THSD7B: variants seen among roughly 807,000 people sequenced by gnomAD.
THSD7B encodes thrombospondin type 1 domain containing 7B, also known as thrombospondin type-1 domain-containing protein 7B.
In THSD7B, 138 loss-of-function variants were observed where a neutral mutation model predicts 213.6. That is an observed-to-expected ratio of 0.65 (90% CI 0.56 to 0.74). The LOEUF (loss-of-function observed/expected upper bound fraction) is 0.74. Ranked by LOEUF, THSD7B falls within the 30% of genes least tolerant of loss-of-function variation. The pLI is 0.00. For synonymous variants in THSD7B, 742 were observed against 687.0 expected (o/e 1.08, Z -1.25); for missense variants, 1,931 against 1,991.5 (o/e 0.97, Z 0.58).
At chr2:137,232,580 A>G (rs181360032) in intron 8 of THSD7B, among the ~76,000 whole-genome samples, 1 of 152,288 alleles carries the variant, frequency 6.6e-6, no homozygotes, top group East Asian at 1.9e-4. Flanking sequence ...GCATAGAAAT[A>G]TTTTTTGAAA....
At chr2:137,163,984 C>T (rs1680069246) in intron 6 of THSD7B, among the ~76,000 whole-genome samples, 1 of 152,168 alleles carries the variant, frequency 6.6e-6, no homozygotes, top group African/African-American at 2.4e-5. Context: ...GATCAAAGTA[C>T]AAGCTCAGTT....
intron 1 of THSD7B, among the ~76,000 whole-genome samples, chr2:136,857,907 G>C (rs1260965602): frequency 1.3e-5 from 2 of 152,162 alleles, no homozygotes; most frequent in East Asian, 3.8e-4. Flanking sequence ...TGCTGTTCTA[G>C]CATCTGTAGA....
At chr2:137,124,717 C>A (rs1251231656) in intron 5 of THSD7B, among the ~76,000 whole-genome samples, 1 of 152,004 alleles carries the variant, frequency 6.6e-6, no homozygotes, top group Non-Finnish European at 1.5e-5. Flanking sequence ...TTCTTTTTTA[C>A]CTTTTTATTT....
At chr2:136,864,646 A>G (rs1014616742) in intron 1 of THSD7B, among the ~76,000 whole-genome samples, 10 of 151,716 alleles carry the variant, frequency 6.6e-5, no homozygotes, top group Non-Finnish European at 8.8e-5. Context: ...TCCACCTCCC[A>G]GGTTCACATC....
At chr2:137,278,305 C>T (rs991182208) in intron 12 of THSD7B, among the ~76,000 whole-genome samples, 1 of 152,054 alleles carries the variant, frequency 6.6e-6, no homozygotes, top group Non-Finnish European at 1.5e-5. Context: ...AGAGTAAACA[C>T]CATGATCTCT....
intron 17 of THSD7B, among the ~76,000 whole-genome samples, chr2:137,609,922 A>G (rs1179604689): frequency 6.6e-6 from 1 of 152,126 alleles, no homozygotes; most frequent in Non-Finnish European, 1.5e-5. Flanking sequence ...ATGGAGCTGA[A>G]AGGATTTGCT....
intron 10 of THSD7B, among the ~76,000 whole-genome samples, chr2:137,254,910 G>A (rs1392239183): frequency 2.6e-5 from 4 of 152,018 alleles, no homozygotes; most frequent in East Asian, 1.9e-4. Context: ...TGTGTATGTC[G>A]AGACAGAGAA....
At chr2:137,410,027 G>A (rs1558787855) in intron 13 of THSD7B, among the ~76,000 whole-genome samples, 1 of 152,094 alleles carries the variant, frequency 6.6e-6, no homozygotes, top group East Asian at 1.9e-4. Flanking sequence ...AAGACTGAGA[G>A]ATTCAACAAT....
intron 14 of THSD7B, among the ~76,000 whole-genome samples, chr2:137,428,396 C>A (rs1687105165): frequency 6.6e-6 from 1 of 152,110 alleles, no homozygotes; most frequent in South Asian, 2.1e-4. Context: ...ATCAGTTTCT[C>A]ACAAAGATAA....
intron 26 of THSD7B, 61 bp downstream of exon 26, chr2:137,663,636 A>G: frequency 1.4e-6 from 2 of 1,396,612 alleles, no homozygotes; most frequent in Non-Finnish European, 1.9e-6. Flanking sequence ...TATTTTGACC[A>G]CTTCTCATGA....
intron 4 of THSD7B, among the ~76,000 whole-genome samples, chr2:137,095,673 G>A (rs1173826629): frequency 3.9e-5 from 6 of 152,188 alleles, no homozygotes; most frequent in Admixed American, 3.9e-4. Context: ...TTCGAGAAAG[G>A]ATTTAACATA....
chr2:137,539,688 G>A (rs1384075862), intron 15 of THSD7B, among the ~76,000 whole-genome samples: 1 of 151,612 alleles, frequency 6.6e-6, no homozygotes, highest in African/African-American at 2.4e-5. Flanking sequence ...TGAATACTTA[G>A]AGTCCTATAG....
chr2:137,533,990 G>A (rs538564616), intron 15 of THSD7B, among the ~76,000 whole-genome samples: 58 of 145,164 alleles, frequency 4.0e-4, no homozygotes, highest in East Asian at 6.1e-4. Context: ...ATAACTGCCC[G>A]TGCACATGTA....
At chr2:137,588,292 G>T (rs932137999) in intron 17 of THSD7B, among the ~76,000 whole-genome samples, 12 of 152,154 alleles carry the variant, frequency 7.9e-5, no homozygotes, top group African/African-American at 2.7e-4. Context: ...CAGGTGAGGT[G>T]ATGCCTTACC....
At chr2:136,997,894 G>A (rs760000278) in intron 2 of THSD7B, among the ~76,000 whole-genome samples, 5 of 152,034 alleles carry the variant, frequency 3.3e-5, no homozygotes, top group Non-Finnish European at 5.9e-5. Context: ...CCAGTCAAGC[G>A]GGAGGACATG....
chr2:136,773,482 T>G (rs559458634), intron 1 of THSD7B, among the ~76,000 whole-genome samples: 2 of 152,208 alleles, frequency 1.3e-5, no homozygotes, highest in African/African-American at 4.8e-5. Flanking sequence ...TGAAATTAAT[T>G]TTAATAATAT....
chr2:137,120,099 A>G (rs1478565286), intron 5 of THSD7B, among the ~76,000 whole-genome samples: 1 of 152,158 alleles, frequency 6.6e-6, no homozygotes. Flanking sequence ...CTCTTGCTTT[A>G]TGCTAAGAGA....
chr2:137,662,563 G>C (rs909307101), intron 25 of THSD7B, among the ~76,000 whole-genome samples: 1 of 152,154 alleles, frequency 6.6e-6, no homozygotes, highest in Non-Finnish European at 1.5e-5. Context: ...AACATTTAGT[G>C]GTCAATGGTA....
chr2:137,210,504 A>C (rs2164335), intron 7 of THSD7B, among the ~76,000 whole-genome samples: 90,717 of 151,862 alleles, frequency 0.6, 27,509 homozygotes, highest in South Asian at 0.71. Flanking sequence ...TATGTAGGAG[A>C]CTCTTTTTTC....
Sources: allele counts gnomAD v4.1 joint callset (sites outside exome capture counted in the v4.1 genomes callset), GRCh38; gene constraint gnomAD v4.1.1; transcripts MANE v1.5; gene names NCBI Gene and HGNC (gene_info 2026-07-23, HGNC 2026-07-21).